EIF2S3: variants seen among roughly 807,000 people sequenced by gnomAD.
The protein encoded by EIF2S3 is eukaryotic translation initiation factor 2 subunit 3.
EIF2S3 carries 2 observed loss-of-function variants against 31.7 expected under a neutral mutation model. That is an observed-to-expected ratio of 0.06 (90% CI 0.03 to 0.20). The LOEUF is 0.20. EIF2S3 is among the 10% of genes least tolerant of loss of function. The probability of loss-of-function intolerance (pLI) is 1.00; values close to 1 mark genes in which losing one functional copy is unlikely to be tolerated. For synonymous variants in EIF2S3, 120 were observed against 126.7 expected (o/e 0.95, Z 0.36); for missense variants, 96 against 359.3 (o/e 0.27, Z 5.92).
intron 9 of EIF2S3, among the ~76,000 whole-genome samples, chrX:24,068,510 T>C (rs896633779): frequency 9.1e-6 from 1 of 109,616 alleles, no homozygotes; most frequent in Non-Finnish European, 1.9e-5. Context: ...AGTGGTGCAA[T>C]CTTGGCTCAC....
In EIF2S3 at chrX:24,055,175, CCTAAG is replaced by C; in HGVS notation, c.69+140_69+144del. The C allele has an allele frequency of 5.7e-6, 4 of 705,088 alleles. No individual in the cohort carries two copies. In the East Asian group the frequency reaches 1.4e-4, roughly 25 times the overall value. 58.1% of individuals were successfully genotyped at this position (705,088 alleles called of 1,213,427 possible). On this transcript the variant is annotated intron_variant, in intron 1 of 11. Transcript: ENST00000253039. ...AGGAGGGAGACCTGGAACTGGGCGC[CCTAAG>C]CCATGCTCGCGCCGCCTGTACCCAG... is the stretch of plus-strand genomic sequence containing the variant.
intron 1 of EIF2S3, 36 bp downstream of exon 1, chrX:24,055,073 C>T: frequency 8.3e-7 from 1 of 1,197,794 alleles, no homozygotes. Flanking sequence ...AGAGTGAGCT[C>T]AGGAGTGGAG....
At chrX:24,062,658 A>G in intron 6 of EIF2S3, 84 bp downstream of exon 6, 3 of 1,041,214 alleles carry the variant, frequency 2.9e-6, no homozygotes, top group Non-Finnish European at 3.9e-6. Context: ...TTAACTTTTA[A>G]TATATTATCT....
chrX:24,074,288 G>A (rs983720734), intron 11 of EIF2S3, among the ~76,000 whole-genome samples: 2 of 112,117 alleles, frequency 1.8e-5, no homozygotes, highest in Non-Finnish European at 3.8e-5. Flanking sequence ...TCATTCGGAA[G>A]CCTAACATTA....
Position 24,068,112 on chromosome X carries a change from A to C in EIF2S3, c.1012+4A>C. On this transcript the variant is annotated splice_donor_region_variant and intron_variant, in intron 9 of 11. Transcript: ENST00000253039. ...GCTGCTCCAGGCGGTCTTATTGGTA[A>C]GGATTTTTTTCTCATCTCTTTTAAT... The C allele has an allele frequency of 8.5e-7, 1 of 1,174,286 alleles. No individual in the cohort carries two copies. Among genetic ancestry groups the C allele is most frequent in the Middle Eastern group, 2.4e-4 (1 of 4,214 alleles).
chrX:24,074,862 C>CTTCTTTTT (rs1555984976), intron 11 of EIF2S3, among the ~76,000 whole-genome samples: 13 of 47,469 alleles, frequency 2.7e-4, no homozygotes, highest in African/African-American at 1.1e-3. Flanking sequence ...TTTTCTTCTT[C>CTTCTTTTT]TTTTTTTTTT....
At position 24,078,202 on chromosome X, in the gene EIF2S3, T is replaced by A. The variant is rs1930787007; in HGVS notation, c.*1417T>A. 9.0e-6 allele frequency among the ~76,000 whole-genome samples: 1 copy of A among 110,942 alleles called. No individual in the cohort carries two copies. On this transcript the variant is annotated 3_prime_UTR_variant, in exon 12 of 12. Coordinates refer to ENST00000253039, the MANE Select transcript of EIF2S3 (RefSeq NM_001415.4). ...CACCATACCCGGCTAATTTTTGTATTTTTAGTAGAGATGGGGTTTCACCAT... is the reference window on the plus strand; with the variant it reads ...CACCATACCCGGCTAATTTTTGTATATTTAGTAGAGATGGGGTTTCACCAT...
chrX:24,076,924 CTCT>C lies in EIF2S3; in HGVS notation c.*141_*143del, dbSNP rs1930761346. On this transcript the variant is annotated 3_prime_UTR_variant, in exon 12 of 12. Coordinates refer to ENST00000253039, the MANE Select transcript of EIF2S3 (RefSeq NM_001415.4). ...CTTAGTAGGTAACGGTAAGGTTATT[CTCT>C]TTTTTTTTTTTTTTTTTTTTGGTTA... The C allele has an allele frequency of 0.019, 2,179 of 114,438 alleles. 8 individuals are homozygous for C. The highest frequency in any genetic ancestry group is 0.022 in the Non-Finnish European group (1,548 of 71,046). 9.4% of individuals were successfully genotyped at this position (114,438 alleles called of 1,213,427 possible). A position where few individuals can be genotyped will look rare whatever the true frequency, so the allele number is the denominator to read the frequency against.
At chrX:24,075,482 C>T (rs5990066) in intron 11 of EIF2S3, among the ~76,000 whole-genome samples, 2 of 111,512 alleles carry the variant, frequency 1.8e-5, no homozygotes, top group East Asian at 2.8e-4. Context: ...ACAGTTAGTG[C>T]GAAAGACTCC....
intron 9 of EIF2S3, 121 bp from the exon 10 acceptor site, chrX:24,071,437 G>C (rs759005270): frequency 1.4e-6 from 1 of 709,932 alleles, no homozygotes; most frequent in African/African-American, 2.2e-5. Context: ...GCATCCACCT[G>C]CCTCGGCCTC....
At chrX:24,062,619 G>A in intron 6 of EIF2S3, 45 bp downstream of exon 6, 1 of 1,150,181 alleles carries the variant, frequency 8.7e-7, no homozygotes, top group South Asian at 1.9e-5. Flanking sequence ...CACTTTGAGA[G>A]GCATTTACTC....
At chrX:24,069,593 A>G (rs1468783003) in intron 9 of EIF2S3, among the ~76,000 whole-genome samples, 1 of 107,897 alleles carries the variant, frequency 9.3e-6, no homozygotes. Context: ...CTGTAGTTCC[A>G]TCTATCATTT....
rs1238409402 is a variant in EIF2S3 at position 24,054,958 on chromosome X, C to T, written c.-11C>T. ...CGGCAGCCGGGGTGATTTCCTTCCT[C>T]TTTTGGCAACATGGCGGGCGGAGAA... is the stretch of plus-strand genomic sequence containing the variant. On this transcript the variant is annotated 5_prime_UTR_variant, in exon 1 of 12. Transcript: ENST00000253039. 5.0e-6 allele frequency: 6 copies of T among 1,211,745 alleles called. No homozygotes were observed. Among genetic ancestry groups the T allele is most frequent in the East Asian group, 3.0e-5 (1 of 33,865 alleles).
At chrX:24,058,539 T>TTTTTTTTC (rs1555983207) in intron 4 of EIF2S3, among the ~76,000 whole-genome samples, 1 of 55,861 alleles carries the variant, frequency 1.8e-5, no homozygotes, top group African/African-American at 1.1e-4. Context: ...TTTCTTTCTT[T>TTTTTTTTC]TTTTTTTTTT....
chrX:24,076,675 G>A, intron 11 of EIF2S3, 47 bp from the exon 12 acceptor site: 2 of 1,138,060 alleles, frequency 1.8e-6, no homozygotes, highest in Non-Finnish European at 2.4e-6. Flanking sequence ...GGTAATGAGA[G>A]TGAAGTGGAT....
chrX:24,057,363 A>C, intron 2 of EIF2S3, 58 bp from the exon 3 acceptor site: 1 of 1,156,752 alleles, frequency 8.6e-7, no homozygotes, highest in Non-Finnish European at 1.2e-6. Flanking sequence ...ACTATTTGAA[A>C]AAATATTTGG....
Position 24,057,774 on chromosome X carries a change from A to G in EIF2S3, c.383+20A>G. 8.4e-7 allele frequency: 1 copy of G among 1,195,465 alleles called. No homozygotes were observed. Among genetic ancestry groups the G allele is most frequent in the Non-Finnish European group, 1.1e-6 (1 of 888,985 alleles). ...AGTCAGGTGACCTCTCTTTTGCTAC[A>G]AACACTACACTTTATATTTTATTGT... On this transcript the variant is annotated intron_variant, in intron 4 of 11. Transcript: ENST00000253039.
chrX:24,060,286 G>A (rs772638181), intron 5 of EIF2S3, 104 bp downstream of exon 5: 4 of 683,866 alleles, frequency 5.8e-6, no homozygotes, highest in East Asian at 6.9e-5. Flanking sequence ...TATTACCTAA[G>A]GGTGACATGA....
intron 11 of EIF2S3, among the ~76,000 whole-genome samples, chrX:24,074,284 G>A (rs923167936): frequency 1.8e-5 from 2 of 111,656 alleles, no homozygotes; most frequent in African/African-American, 3.3e-5. Flanking sequence ...CTTATCATTC[G>A]GAAGCCTAAC....
Sources: allele counts gnomAD v4.1 joint callset (sites outside exome capture counted in the v4.1 genomes callset), GRCh38; gene constraint gnomAD v4.1.1; transcripts MANE v1.5; gene names NCBI Gene and HGNC (gene_info 2026-07-23, HGNC 2026-07-21).